KAT6B: variants seen among roughly 807,000 people sequenced by gnomAD.
KAT6B encodes histone acetyltransferase KAT6B.
A neutral mutation model predicts 187.5 loss-of-function variants in KAT6B; 10 were observed. The ratio of observed to expected loss-of-function variants is 0.05; its 90% CI spans 0.03 to 0.09. The LOEUF is 0.09. Ranked by LOEUF, KAT6B falls within the 10% of genes least tolerant of loss-of-function variation. KAT6B has a pLI of 1.00. For synonymous variants in KAT6B, 861 were observed against 926.8 expected, an observed-to-expected ratio of 0.93 and a Z score of 1.29; for missense variants, 1,952 against 2,558.9, an observed-to-expected ratio of 0.76 and a Z score of 5.12.
intron 3 of KAT6B, among the ~76,000 whole-genome samples, chr10:74,919,595 A>G (rs1315216345): frequency 1.3e-5 from 2 of 151,892 alleles, no homozygotes; most frequent in African/African-American, 4.8e-5. Context: ...TAGAGATGGG[A>G]TTTCATCATG....
chr10:74,830,758 A>ATG (rs1564892065), intron 1 of KAT6B, among the ~76,000 whole-genome samples: 12 of 27,580 alleles, frequency 4.4e-4, no homozygotes, highest in African/African-American at 2.2e-3. Context: ...ATATATATAT[A>ATG]TATATATATA....
intron 3 of KAT6B, among the ~76,000 whole-genome samples, chr10:74,943,926 A>G (rs1011343780): frequency 3.3e-5 from 5 of 152,250 alleles, no homozygotes; most frequent in Non-Finnish European, 7.3e-5. Context: ...TGTATCCAGT[A>G]TATGTAAGGA....
chr10:75,012,459 A>G (rs564365325), intron 13 of KAT6B, among the ~76,000 whole-genome samples: 1 of 152,294 alleles, frequency 6.6e-6, no homozygotes, highest in South Asian at 2.1e-4. Context: ...AAATAAAAGA[A>G]AAAGGAGCAA....
At chr10:74,876,675 A>C (rs192931712) in intron 3 of KAT6B, among the ~76,000 whole-genome samples, 127 of 152,118 alleles carry the variant, frequency 8.3e-4, no homozygotes, top group African/African-American at 3.0e-3. Flanking sequence ...GCACTTTGGG[A>C]GGCCGAGGTG....
At chr10:74,870,581 G>GT (rs1274891416) in intron 3 of KAT6B, among the ~76,000 whole-genome samples, 3 of 151,680 alleles carry the variant, frequency 2.0e-5, no homozygotes, top group South Asian at 2.1e-4. Flanking sequence ...TATTGAAAGA[G>GT]TTTTTTTTTC....
intron 13 of KAT6B, among the ~76,000 whole-genome samples, chr10:75,009,355 C>G (rs1216142261): frequency 1.3e-5 from 2 of 152,062 alleles, no homozygotes; most frequent in Admixed American, 1.3e-4. Context: ...TAGAAAAGTA[C>G]CTAGTACCTA....
chr10:74,836,544 A>C (rs1196408259), intron 1 of KAT6B, among the ~76,000 whole-genome samples: 1 of 152,022 alleles, frequency 6.6e-6, no homozygotes, highest in Admixed American at 6.6e-5. Context: ...TTATAACCTC[A>C]CCTCCCAGTT....
intron 2 of KAT6B, among the ~76,000 whole-genome samples, chr10:74,841,327 C>T (rs1014229460): frequency 3.9e-5 from 6 of 152,172 alleles, no homozygotes; most frequent in African/African-American, 1.4e-4. Context: ...AATCCTAGCA[C>T]TTTTGAGAGG....
intron 3 of KAT6B, among the ~76,000 whole-genome samples, chr10:74,947,005 A>G (rs1318916568): frequency 6.6e-6 from 1 of 151,896 alleles, no homozygotes; most frequent in Non-Finnish European, 1.5e-5. Context: ...TGTTTGTTAT[A>G]TTTGGTTTTT....
intron 13 of KAT6B, among the ~76,000 whole-genome samples, chr10:75,018,791 AC>A (rs2134134654): frequency 6.6e-6 from 1 of 152,176 alleles, no homozygotes; most frequent in African/African-American, 2.4e-5. Flanking sequence ...GGACCTGGGG[AC>A]TTTCACACTC....
At chr10:74,925,947 T>TG (rs1848469245) in intron 3 of KAT6B, among the ~76,000 whole-genome samples, 1 of 149,646 alleles carries the variant, frequency 6.7e-6, no homozygotes, top group African/African-American at 2.5e-5. Context: ...CATGGCAGGG[T>TG]GGGGGGCAGG....
chr10:74,829,706 G>T (rs546175513), intron 1 of KAT6B, among the ~76,000 whole-genome samples: 1 of 151,516 alleles, frequency 6.6e-6, no homozygotes, highest in East Asian at 2.0e-4. Context: ...CGGCCTCCCA[G>T]AGTGCTGGGA....
chr10:75,004,557 C>T (rs1378821280), intron 13 of KAT6B, among the ~76,000 whole-genome samples: 1 of 152,136 alleles, frequency 6.6e-6, no homozygotes, highest in Non-Finnish European at 1.5e-5. Flanking sequence ...AGTCCTTGCC[C>T]ATAGGGAAGT....
chr10:75,012,081 G>T (rs1386383340), intron 13 of KAT6B, among the ~76,000 whole-genome samples: 5 of 152,182 alleles, frequency 3.3e-5, no homozygotes, highest in African/African-American at 9.7e-5. Context: ...GACATCTGTG[G>T]CTTTTTAAAG....
intron 3 of KAT6B, among the ~76,000 whole-genome samples, chr10:74,874,346 T>C (rs1844236996): frequency 6.6e-6 from 1 of 152,134 alleles, no homozygotes; most frequent in South Asian, 2.1e-4. Context: ...AGTCTGTCAG[T>C]TTCTTAGTTG....
chr10:74,860,624 C>T (rs372781680), intron 3 of KAT6B, among the ~76,000 whole-genome samples: 2 of 152,152 alleles, frequency 1.3e-5, no homozygotes, highest in African/African-American at 4.8e-5. Context: ...CAACACATAC[C>T]TAGTGAATTC....
intron 3 of KAT6B, among the ~76,000 whole-genome samples, chr10:74,848,509 A>T (rs1180861831): frequency 6.6e-6 from 1 of 151,966 alleles, no homozygotes; most frequent in East Asian, 1.9e-4. Context: ...CGTTTCAACA[A>T]CAACAACAAG....
chr10:74,989,321 G>T (rs1364682959), intron 13 of KAT6B, among the ~76,000 whole-genome samples: 1 of 152,190 alleles, frequency 6.6e-6, no homozygotes, highest in Non-Finnish European at 1.5e-5. Flanking sequence ...ATTGAGACTA[G>T]ATCTCTCGGC....
intron 3 of KAT6B, among the ~76,000 whole-genome samples, chr10:74,933,990 A>G (rs1849056353): frequency 1.3e-5 from 2 of 152,230 alleles, no homozygotes; most frequent in African/African-American, 4.8e-5. Flanking sequence ...GTTTGAGACC[A>G]GCCTGGCCAG....
Sources: gnomAD v4.1 joint callset for allele counts (sites outside exome capture counted in the v4.1 genomes callset) on GRCh38, gnomAD v4.1.1 for gene constraint, MANE v1.5 for transcripts, NCBI Gene and HGNC (gene_info 2026-07-23, HGNC 2026-07-21) for gene names.